DENND1A: variants seen among roughly 807,000 people sequenced by gnomAD.
The protein encoded by DENND1A is DENN domain containing 1A, also known as DENN domain-containing protein 1A.
DENND1A carries 51 observed loss-of-function variants against 113.7 expected under a neutral mutation model. The observed-to-expected ratio is 0.45, with a 90% CI of 0.36 to 0.57. DENND1A has a LOEUF of 0.57. DENND1A is among the 20% of genes least tolerant of loss of function. The pLI is 0.00. For missense variants in DENND1A, 1,258 were observed against 1,395.9 expected (o/e 0.90, Z 1.57); for synonymous variants, 565 against 570.8 (o/e 0.99, Z 0.14).
intron 5 of DENND1A, among the ~76,000 whole-genome samples, chr9:123,705,073 A>C (rs1437683109): frequency 2.0e-5 from 3 of 151,676 alleles, no homozygotes; most frequent in East Asian, 3.9e-4. Context: ...GAATTTAAAA[A>C]AAAAAAACAA....
At chr9:123,549,966 C>T (rs775556793) in intron 13 of DENND1A, among the ~76,000 whole-genome samples, 3 of 152,154 alleles carry the variant, frequency 2.0e-5, no homozygotes, top group Non-Finnish European at 4.4e-5. Flanking sequence ...TTTTCATAAA[C>T]AACTTGAGAT....
intron 8 of DENND1A, among the ~76,000 whole-genome samples, chr9:123,657,169 T>C (rs530177357): frequency 1.6e-4 from 25 of 152,298 alleles, no homozygotes; most frequent in Admixed American, 4.6e-4. Flanking sequence ...TTCTCATCTC[T>C]GCAAAGAAAC....
chr9:123,669,394 C>T (rs1175057641), intron 7 of DENND1A, among the ~76,000 whole-genome samples: 1 of 152,224 alleles, frequency 6.6e-6, no homozygotes, highest in Non-Finnish European at 1.5e-5. Context: ...AGTCCCCAGG[C>T]TGTCCTTTGA....
At chr9:123,606,391 T>C (rs1287471255) in intron 11 of DENND1A, among the ~76,000 whole-genome samples, 3 of 152,106 alleles carry the variant, frequency 2.0e-5, no homozygotes, top group Non-Finnish European at 2.9e-5. Flanking sequence ...AGGGCTAAGA[T>C]CTATCTGGGC....
At chr9:123,766,091 A>G (rs1220991889) in intron 4 of DENND1A, among the ~76,000 whole-genome samples, 1 of 152,166 alleles carries the variant, frequency 6.6e-6, no homozygotes, top group Non-Finnish European at 1.5e-5. Flanking sequence ...CCCTCTCCCC[A>G]GCGAGCTCCA....
At chr9:123,844,784 T>C (rs536470871) in intron 2 of DENND1A, among the ~76,000 whole-genome samples, 48 of 152,178 alleles carry the variant, frequency 3.2e-4, no homozygotes, top group African/African-American at 1.1e-3. Flanking sequence ...AAGAACAAAA[T>C]TGGAGGACTC....
chr9:123,518,939 T>C (rs915284792), intron 13 of DENND1A, among the ~76,000 whole-genome samples: 3 of 152,248 alleles, frequency 2.0e-5, no homozygotes, highest in Non-Finnish European at 4.4e-5. Flanking sequence ...CTCCTTTCTA[T>C]GGCCTCTAAA....
At chr9:123,673,398 T>C (rs1304644362) in intron 6 of DENND1A, among the ~76,000 whole-genome samples, 1 of 152,262 alleles carries the variant, frequency 6.6e-6, no homozygotes, top group Admixed American at 6.5e-5. Flanking sequence ...GGGAGCACTC[T>C]TACTGCTTTT....
chr9:123,441,269 G>A (rs1344161118), intron 18 of DENND1A, among the ~76,000 whole-genome samples: 1 of 152,074 alleles, frequency 6.6e-6, no homozygotes, highest in African/African-American at 2.4e-5. Context: ...AATTTGACTT[G>A]TTGCTTTAAT....
At chr9:123,555,976 T>G (rs538337508) in intron 13 of DENND1A, among the ~76,000 whole-genome samples, 2 of 152,316 alleles carry the variant, frequency 1.3e-5, no homozygotes, top group East Asian at 3.9e-4. Flanking sequence ...ATTCCCATTT[T>G]AAAGGGGGGA....
At chr9:123,639,149 G>A (rs1448891615) in intron 9 of DENND1A, among the ~76,000 whole-genome samples, 1 of 150,624 alleles carries the variant, frequency 6.6e-6, no homozygotes, top group Non-Finnish European at 1.5e-5. Flanking sequence ...CTTAGAAAGT[G>A]ACTGTAGGCC....
chr9:123,689,835 G>GT (rs1057307803), intron 5 of DENND1A, among the ~76,000 whole-genome samples: 2 of 151,818 alleles, frequency 1.3e-5, no homozygotes, highest in African/African-American at 4.8e-5. Flanking sequence ...GCTGGGTGTG[G>GT]TGGCGCCTGC....
chr9:123,919,789 C>T (rs7029033), intron 1 of DENND1A, among the ~76,000 whole-genome samples: 18,654 of 148,020 alleles, frequency 0.13, 1,685 homozygotes, highest in African/African-American at 0.27. Context: ...GGCTGAGGCA[C>T]GAGAATCACT....
rs142678658 is a variant in DENND1A, at chr9:123,461,213, C to T, written c.994-3316G>A. 3.2e-3 allele frequency among the ~76,000 whole-genome samples: 487 copies of T among 152,322 alleles called. 1 individual carries two copies. The highest frequency in any genetic ancestry group is 0.011 in the African/African-American group (455 of 41,556). On this transcript the variant is annotated intron_variant, in intron 13 of 23. Coordinates refer to ENST00000394215, the MANE Select transcript of DENND1A (RefSeq NM_001352964.2). ...CTGACACATGCAGGCCTCTGAGTGG[C>T]AGTCACTCATCCCAGTGCCGTGTGC...
intron 5 of DENND1A, among the ~76,000 whole-genome samples, chr9:123,754,439 T>A (rs1363359997): frequency 6.6e-6 from 1 of 152,202 alleles, no homozygotes. Context: ...ACCCTCATAT[T>A]AAATACTCAT....
At chr9:123,803,709 C>T (rs1835074133) in intron 2 of DENND1A, among the ~76,000 whole-genome samples, 2 of 152,218 alleles carry the variant, frequency 1.3e-5, no homozygotes, top group African/African-American at 4.8e-5. Context: ...AGCATAGAAA[C>T]ATGCTGTTAT....
intron 2 of DENND1A, among the ~76,000 whole-genome samples, chr9:123,855,024 A>G (rs1843945927): frequency 6.6e-6 from 1 of 151,250 alleles, no homozygotes; most frequent in African/African-American, 2.5e-5. Context: ...CATAGGTAAA[A>G]CTCCACTCTA....
At chr9:123,835,677 G>T (rs1013239537) in intron 2 of DENND1A, among the ~76,000 whole-genome samples, 2 of 135,866 alleles carry the variant, frequency 1.5e-5, no homozygotes, top group African/African-American at 5.5e-5. Flanking sequence ...AAAAAAAAAA[G>T]AAAAAACCTG....
chr9:123,904,121 T>G (rs1852292326), intron 1 of DENND1A, among the ~76,000 whole-genome samples: 1 of 152,040 alleles, frequency 6.6e-6, no homozygotes, highest in South Asian at 2.1e-4. Flanking sequence ...CACTGACACC[T>G]CACACAGCAG....
Sources: gnomAD v4.1 joint callset for allele counts (sites outside exome capture counted in the v4.1 genomes callset) on GRCh38, gnomAD v4.1.1 for gene constraint, MANE v1.5 for transcripts, NCBI Gene and HGNC (gene_info 2026-07-23, HGNC 2026-07-21) for gene names.